Variants in OLFML2A observed in about 807,000 individuals in gnomAD.
OLFML2A encodes the protein olfactomedin like 2A, also known as olfactomedin-like protein 2A.
A neutral mutation model predicts 60.9 loss-of-function variants in OLFML2A; 47 were observed. The ratio of observed to expected loss-of-function variants is 0.77; its 90% CI spans 0.61 to 0.98. OLFML2A has a LOEUF of 0.98. Among genes scored for constraint, OLFML2A ranks in the 50% least tolerant of loss-of-function variants. The probability of loss-of-function intolerance (pLI) is 0.00; values close to 1 mark genes in which losing one functional copy is unlikely to be tolerated. For missense variants in OLFML2A, 922 were observed against 879.8 expected, an observed-to-expected ratio of 1.05 and a Z score of -0.61; for synonymous variants, 372 against 375.0, an observed-to-expected ratio of 0.99 and a Z score of 0.09.
At chr9:124,784,829 T>C (rs1841426770) in intron 1 of OLFML2A, among the ~76,000 whole-genome samples, 1 of 152,050 alleles carries the variant, frequency 6.6e-6, no homozygotes, top group African/African-American at 2.4e-5. Context: ...CAGCATTTCA[T>C]ATTAATGGAA....
Position 124,810,525 on chromosome 9 carries a change from G to A in OLFML2A, c.*113G>A. The A allele has an allele frequency of 2.7e-6, 3 of 1,113,732 alleles. No homozygotes were observed. Among genetic ancestry groups the A allele is most frequent in the Admixed American group, 2.7e-5 (1 of 36,856 alleles). 69.0% of individuals were successfully genotyped at this position (1,113,732 alleles called of 1,614,324 possible). On this transcript the variant is annotated 3_prime_UTR_variant, in exon 8 of 8. Coordinates refer to ENST00000373580, the MANE Select transcript of OLFML2A (RefSeq NM_182487.4). ...TTATTGGGGGCCAGCCCAGGGCTGGGACTGGGCATGAGGTGGTCACCAGGA... is the reference window on the plus strand; with the variant it reads ...TTATTGGGGGCCAGCCCAGGGCTGGAACTGGGCATGAGGTGGTCACCAGGA...
At chr9:124,800,258 G>A (rs1841748821) in intron 4 of OLFML2A, among the ~76,000 whole-genome samples, 1 of 152,206 alleles carries the variant, frequency 6.6e-6, no homozygotes, top group African/African-American at 2.4e-5. Context: ...AGGCTCCTCT[G>A]GCCAGTCACC....
rs568584759 is a variant in OLFML2A, at chr9:124,779,554, G to A, written c.90+2194G>A. ...GGTTGTGTGTGTGTGTGGTGGGGGG[G>A]GGGTGTTTAGCTGTCCCAGGACAAG... On this transcript the variant is annotated intron_variant, in intron 1 of 7. Coordinates refer to ENST00000373580, the MANE Select transcript of OLFML2A (RefSeq NM_182487.4). The surrounding 1 kb of genome is among the most constrained non-coding windows in gnomAD (Gnocchi z 4.1). Among the ~76,000 whole-genome samples, 26 of 152,064 alleles carry A rather than the reference G, an allele frequency of 1.7e-4. No individual in the cohort carries two copies. The East Asian group carries it at 4.4e-3, about 26-fold the overall frequency.
rs1211041895 is a variant in OLFML2A, at chr9:124,810,214, C to T, written c.1761C>T (p.Ala587=). 6.8e-6 allele frequency: 11 copies of T among 1,613,546 alleles called. No individual in the cohort carries two copies. The highest frequency in any genetic ancestry group is 1.1e-5 in the South Asian group (1 of 91,086). ...NCFLVCGILY[A]VDTYNQQEGQ... is the part of the protein sequence containing the mutation. ...TCCTGGTGTGCGGCATCCTGTATGC[C>T]GTGGACACGTACAACCAGCAGGAAG... The change falls in exon 8 of 8, where the codon GCC becomes GCT. Residue 587 remains alanine, a synonymous_variant. Transcript: ENST00000373580.
chr9:124,795,131 G>A lies in OLFML2A; in HGVS notation c.462G>A (p.Glu154=). ...CCTCCCAGATGAACACACTGGAAGA[G>A]GTAAGGGCGGGGCTGCCGCCAGAGG... ...KVASQMNTLE[E]SIKANLSREN... Residue 154 remains glutamate, a splice_region_variant and synonymous_variant, in exon 3 of 8, where the codon GAG becomes GAA. Transcript: ENST00000373580. The A allele has an allele frequency of 6.4e-7, 1 of 1,569,678 alleles. No individual in the cohort carries two copies. Among genetic ancestry groups the A allele is most frequent in the Non-Finnish European group, 8.7e-7 (1 of 1,146,490 alleles).
chr9:124,797,862 G>A (rs1841697320), intron 3 of OLFML2A, among the ~76,000 whole-genome samples: 1 of 152,236 alleles, frequency 6.6e-6, no homozygotes, highest in African/African-American at 2.4e-5. Flanking sequence ...GTTCTAAGCA[G>A]TCTGTCTGCT....
rs1841311810 is a variant in OLFML2A, at chr9:124,779,008, G to T, written c.90+1648G>T. ...CACACGGTGAGTATATGAGCAGTGG[G>T]CACTGGCCAACTCTCAGCCTGATTC... On this transcript the variant is annotated intron_variant, in intron 1 of 7. Transcript: ENST00000373580. This position sits in a 1 kb window ranked among gnomAD's most constrained non-coding sequence, Gnocchi z 4.1. The T allele has an allele frequency of 1.0e-6, 1 of 969,218 alleles. No homozygotes were observed. Among genetic ancestry groups the T allele is most frequent in the Non-Finnish European group, 1.2e-6 (1 of 815,208 alleles). The allele number at this position is 969,218 out of a possible 1,614,324, so 60.0% of individuals were successfully genotyped here.
At chr9:124,798,609 G>A (rs1318708603) in intron 3 of OLFML2A, among the ~76,000 whole-genome samples, 5 of 151,764 alleles carry the variant, frequency 3.3e-5, no homozygotes, top group Non-Finnish European at 5.9e-5. Flanking sequence ...CAAGGCGGGC[G>A]GATCACTTGA....
At chr9:124,784,943 G>GTTGTTTT (rs1841429446) in intron 1 of OLFML2A, among the ~76,000 whole-genome samples, 1 of 69,542 alleles carries the variant, frequency 1.4e-5, no homozygotes, top group Admixed American at 2.0e-4. Flanking sequence ...CCTTTTACTT[G>GTTGTTTT]TTTTTTTTTT....
In OLFML2A at chr9:124,787,250, G is replaced by A. The variant is rs1215885507; in HGVS notation, c.354+12G>A. The A allele has an allele frequency of 1.9e-6, 3 of 1,612,092 alleles. No homozygotes were observed. Among genetic ancestry groups the A allele is most frequent in the Admixed American group, 3.3e-5 (2 of 59,986 alleles). Reference sequence around the variant, plus strand: ...CCGAGCTCCTCAAGGTAGACTTGGTGGGGTGATGGAGGGAGTAAGGGCCTA... The same window carrying A: ...CCGAGCTCCTCAAGGTAGACTTGGTAGGGTGATGGAGGGAGTAAGGGCCTA... On this transcript the variant is annotated intron_variant, in intron 2 of 7. Transcript: ENST00000373580.
chr9:124,778,989 G>T, intron 1 of OLFML2A: 1 of 983,602 alleles, frequency 1.0e-6, no homozygotes, highest in Non-Finnish European at 1.2e-6. Flanking sequence ...TAGCCACACG[G>T]TGAGTATATG....
In OLFML2A at chr9:124,777,638, A is replaced by G. The variant is rs1036449174; in HGVS notation, c.90+278A>G. Among the ~76,000 whole-genome samples the G allele has an allele frequency of 6.6e-6, 1 of 151,864 alleles. No individual in the cohort carries two copies. Among genetic ancestry groups the G allele is most frequent in the Non-Finnish European group, 1.5e-5 (1 of 67,938 alleles). ...GTCCGATTCCCGGAGGGGTCGGGGG[A>G]TTTCCCCGGAGTGCTGGCCAGACTC... On this transcript the variant is annotated intron_variant, in intron 1 of 7. Coordinates refer to ENST00000373580, the MANE Select transcript of OLFML2A (RefSeq NM_182487.4). This position sits in a 1 kb window ranked among gnomAD's most constrained non-coding sequence, Gnocchi z 6.2.
In OLFML2A at chr9:124,777,233, C is replaced by T; in HGVS notation, c.-38C>T. 3 of 843,248 alleles carry T rather than the reference C, an allele frequency of 3.6e-6. No homozygotes were observed. Among genetic ancestry groups the T allele is most frequent in the Non-Finnish European group, 4.7e-6 (3 of 638,524 alleles). The allele number at this position is 843,248 out of a possible 1,614,324, so 52.2% of individuals were successfully genotyped here. A position where few individuals can be genotyped will look rare whatever the true frequency, so the allele number is the denominator to read the frequency against. ...AGTGCAGCCCGCGCTTCCCAGCGTC[C>T]GTGCCCGGCCGCCTGTGCCTACCGT... On this transcript the variant is annotated 5_prime_UTR_variant, in exon 1 of 8. Coordinates refer to ENST00000373580, the MANE Select transcript of OLFML2A (RefSeq NM_182487.4). This position sits in a 1 kb window ranked among gnomAD's most constrained non-coding sequence, Gnocchi z 6.2.
intron 4 of OLFML2A, chr9:124,801,208 A>G (rs1468944495): frequency 1.1e-6 from 1 of 903,356 alleles, no homozygotes; most frequent in Non-Finnish European, 1.7e-6. Context: ...CAAGGGAGCT[A>G]AAGAGCTGGG....
rs140831846 is a variant in OLFML2A, at chr9:124,784,614, T to G, written c.91-2361T>G. Reference sequence around the variant, plus strand: ...AAACAAAATAACAAAAATTATCATTTTTAAGTATACACTTCAGTGGCATTT... The same window carrying G: ...AAACAAAATAACAAAAATTATCATTGTTAAGTATACACTTCAGTGGCATTT... On this transcript the variant is annotated intron_variant, in intron 1 of 7. Transcript: ENST00000373580. 4.1e-3 allele frequency among the ~76,000 whole-genome samples: 629 copies of G among 152,376 alleles called. 5 individuals are homozygous for G. Among genetic ancestry groups the G allele is most frequent in the African/African-American group, 0.014 (588 of 41,592 alleles).
At chr9:124,809,764 G>T (rs1206741789) in intron 7 of OLFML2A, 44 bp from the exon 8 acceptor site, 20 of 1,547,050 alleles carry the variant, frequency 1.3e-5, no homozygotes, top group Non-Finnish European at 1.7e-5. Context: ...GGGTGGGCTG[G>T]GGTTGCTCGG....
At chr9:124,786,205 T>C (rs1440797370) in intron 1 of OLFML2A, among the ~76,000 whole-genome samples, 1 of 152,020 alleles carries the variant, frequency 6.6e-6, no homozygotes, top group Non-Finnish European at 1.5e-5. Context: ...GGAGGGTCAC[T>C]TGAGCCCAGG....
At chr9:124,804,066 T>A (rs781238655) in intron 5 of OLFML2A, 28 bp from the exon 6 acceptor site, 2 of 1,610,120 alleles carry the variant, frequency 1.2e-6, no homozygotes, top group Admixed American at 3.3e-5. Flanking sequence ...GGTGCTGAGA[T>A]TTGAGCACAG....
At position 124,800,947 on chromosome 9, in the gene OLFML2A, C is replaced by T. The variant is rs529074633; in HGVS notation, c.670-467C>T. 4.6e-5 allele frequency: 71 copies of T among 1,544,856 alleles called. No homozygotes were observed. The African/African-American group carries it at 9.3e-4, about 20-fold the overall frequency. On this transcript the variant is annotated intron_variant, in intron 4 of 7. Coordinates refer to ENST00000373580, the MANE Select transcript of OLFML2A (RefSeq NM_182487.4). Reference sequence around the variant, plus strand: ...TTGAGGGTTTTTCCAGGATGCAGCACTTTCAGTGCTAAAACTAGGAATGTT... The same window carrying T: ...TTGAGGGTTTTTCCAGGATGCAGCATTTTCAGTGCTAAAACTAGGAATGTT...
Sources: allele counts gnomAD v4.1 joint callset (sites outside exome capture counted in the v4.1 genomes callset), GRCh38; gene constraint gnomAD v4.1.1; non-coding constraint Gnocchi (gnomAD v3.1); transcripts MANE v1.5; gene names NCBI Gene and HGNC (gene_info 2026-07-23, HGNC 2026-07-21).